The following KIAA1671 variants were observed in gnomAD, a reference collection of about 807,000 sequenced individuals.
KIAA1671 encodes the protein uncharacterized protein KIAA1671.
In KIAA1671, 52 loss-of-function variants were observed where a neutral mutation model predicts 131.2. That is an observed-to-expected ratio of 0.40 (90% CI 0.32 to 0.50). The LOEUF is 0.50. Among genes scored for constraint, KIAA1671 ranks in the 20% least tolerant of loss-of-function variants. The pLI, the probability that KIAA1671 is intolerant of heterozygous loss-of-function variation, is 0.73. For missense variants in KIAA1671, 2,360 were observed against 2,364.2 expected, an observed-to-expected ratio of 1.00 and a Z score of 0.04; for synonymous variants, 1,003 against 961.6, an observed-to-expected ratio of 1.04 and a Z score of -0.80.
chr22:25,031,031 T>G (rs1926257402), intron 3 of KIAA1671, among the ~76,000 whole-genome samples: 1 of 152,122 alleles, frequency 6.6e-6, no homozygotes, highest in South Asian at 2.1e-4. Context: ...GTTTTTATTT[T>G]ATTTTTTATT....
At chr22:25,099,974 G>T (rs1483719601) in intron 6 of KIAA1671, among the ~76,000 whole-genome samples, 1 of 152,238 alleles carries the variant, frequency 6.6e-6, no homozygotes, top group African/African-American at 2.4e-5. Context: ...AAAGGAGGCA[G>T]CTGAGGCAGG....
chr22:25,038,705 C>T, intron 4 of KIAA1671, 55 bp from the exon 5 acceptor site: 11 of 1,464,764 alleles, frequency 7.5e-6, no homozygotes, highest in Admixed American at 5.4e-5. Flanking sequence ...TTTTTCCTTT[C>T]CATCTCAAAT....
rs981083653 is a variant in KIAA1671, at chr22:25,054,374, C to T, written c.4530+5010C>T. On this transcript the variant is annotated intron_variant, in intron 6 of 12. Transcript: ENST00000358431. ...AGGCTAGAAGTCCAAGATGAAGGAG[C>T]TAGCAAGGCTGGCTTCTAATGAGGC... 1.3e-5 allele frequency: 2 copies of T among 149,660 alleles called. 1 individual carries two copies. The highest frequency in any genetic ancestry group is 1.3e-4 in the Admixed American group (2 of 15,080). The allele number at this position is 149,660 out of a possible 1,614,324, so 9.3% of individuals were successfully genotyped here.
At chr22:25,073,268 A>G (rs371215013) in intron 6 of KIAA1671, among the ~76,000 whole-genome samples, 17 of 151,802 alleles carry the variant, frequency 1.1e-4, no homozygotes, top group African/African-American at 3.4e-4. Flanking sequence ...TGGCCTCACT[A>G]TGTTGCCCAG....
intron 1 of KIAA1671, among the ~76,000 whole-genome samples, chr22:24,975,310 CTT>C (rs113950279): frequency 8.2e-4 from 114 of 139,140 alleles, no homozygotes; most frequent in African/African-American, 2.3e-3. Context: ...ATCAGTGATT[CTT>C]TTTTTTTTTT....
intron 6 of KIAA1671, among the ~76,000 whole-genome samples, chr22:25,136,524 CCTGGGATTTCTGGGCAGTACCCTG>C (rs1285465742): frequency 6.6e-6 from 1 of 152,150 alleles, no homozygotes; most frequent in Non-Finnish European, 1.5e-5. Context: ...AGTCAGGAAG[CCTGGGATTTCTGGGCAGTACCCTG>C]CTGGGATTTC....
intron 10 of KIAA1671, among the ~76,000 whole-genome samples, chr22:25,182,856 G>A (rs769041688): frequency 2.0e-5 from 3 of 152,182 alleles, no homozygotes; most frequent in African/African-American, 7.2e-5. Flanking sequence ...GGCAGGCACA[G>A]AAAATGATCA....
intron 1 of KIAA1671, among the ~76,000 whole-genome samples, chr22:24,977,807 C>A (rs1470238026): frequency 6.6e-6 from 1 of 152,184 alleles, no homozygotes; most frequent in Non-Finnish European, 1.5e-5. Context: ...TCTGTCCTCA[C>A]AGTTTAATTT....
intron 6 of KIAA1671, among the ~76,000 whole-genome samples, chr22:25,133,578 T>A (rs1040073814): frequency 1.3e-5 from 2 of 152,210 alleles, no homozygotes; most frequent in Non-Finnish European, 2.9e-5. Context: ...AGTCTCGCTG[T>A]GTTGTGGAGG....
At chr22:25,005,815 C>T (rs1453673970) in intron 1 of KIAA1671, among the ~76,000 whole-genome samples, 1 of 152,172 alleles carries the variant, frequency 6.6e-6, no homozygotes, top group Non-Finnish European at 1.5e-5. Flanking sequence ...GAGAATGAAG[C>T]TAGAAGATCT....
chr22:25,011,714 T>G (rs1925053349), intron 1 of KIAA1671: 1 of 149,560 alleles, frequency 6.7e-6, no homozygotes, highest in Non-Finnish European at 1.5e-5. Flanking sequence ...CTTGGATCAC[T>G]GCGACCTCCG....
chr22:25,013,522 T>A (rs1199155807), intron 1 of KIAA1671: 1 of 152,238 alleles, frequency 6.6e-6, no homozygotes, highest in Non-Finnish European at 1.5e-5. Flanking sequence ...TTCAGAAATC[T>A]ATTTGTACTT....
intron 6 of KIAA1671, 141 bp downstream of exon 6, chr22:25,049,505 G>C (rs1927419346): frequency 5.5e-6 from 5 of 906,722 alleles, no homozygotes; most frequent in Non-Finnish European, 8.1e-6. Flanking sequence ...CAGGAATCTG[G>C]TGTCACCTGA....
intron 6 of KIAA1671, among the ~76,000 whole-genome samples, chr22:25,146,669 G>C (rs1487379456): frequency 1.3e-5 from 2 of 152,174 alleles, no homozygotes; most frequent in African/African-American, 2.4e-5. Flanking sequence ...TGAAAAATGG[G>C]ATACTGGCAA....
intron 10 of KIAA1671, 108 bp from the exon 11 acceptor site, chr22:25,184,869 G>A (rs1934416803): frequency 7.5e-7 from 1 of 1,324,548 alleles, no homozygotes; most frequent in Non-Finnish European, 1.1e-6. Flanking sequence ...TCCGATTCAG[G>A]GGGCCCCGAG....
chr22:25,067,016 C>T (rs1466623023), intron 6 of KIAA1671, among the ~76,000 whole-genome samples: 1 of 152,160 alleles, frequency 6.6e-6, no homozygotes, highest in African/African-American at 2.4e-5. Context: ...ACTTCTGATG[C>T]AGCCACACTC....
At chr22:25,186,367 A>G (rs1054909215) in intron 11 of KIAA1671, 4 of 152,256 alleles carry the variant, frequency 2.6e-5, no homozygotes, top group African/African-American at 9.7e-5. Flanking sequence ...GTTGGAGTGC[A>G]GTGAGCTATG....
In KIAA1671 at chr22:25,179,383, C is replaced by T. The variant is rs1001241689; in HGVS notation, c.5074+1861C>T. The T allele has an allele frequency of 6.8e-6, 11 of 1,608,002 alleles. No homozygotes were observed. In the African/African-American group the frequency reaches 1.3e-4, roughly 20 times the overall value. On this transcript the variant is annotated intron_variant, in intron 9 of 12. Coordinates refer to ENST00000358431, the MANE Select transcript of KIAA1671 (RefSeq NM_001145206.2). ...GCGTGCAGCTCCTCGCGCAGCCGCT[C>T]GCGCAGTGCGGCCAGGTGCGCCTCG...
chr22:25,107,961 T>A (rs1464064912), intron 6 of KIAA1671, among the ~76,000 whole-genome samples: 1 of 152,100 alleles, frequency 6.6e-6, no homozygotes, highest in South Asian at 2.1e-4. Context: ...TGAGCTGATA[T>A]CACGCCATTG....
Sources: allele counts gnomAD v4.1 joint callset (sites outside exome capture counted in the v4.1 genomes callset), GRCh38; gene constraint gnomAD v4.1.1; transcripts MANE v1.5; gene names NCBI Gene and HGNC (gene_info 2026-07-23, HGNC 2026-07-21).